The following NBAS variants were observed in gnomAD, a reference collection of about 807,000 sequenced individuals.
NBAS encodes the protein NAG/BC035112 fusion.
A neutral mutation model predicts 302.5 loss-of-function variants in NBAS; 219 were observed. That is an observed-to-expected ratio of 0.72 (90% CI 0.65 to 0.81). NBAS has a LOEUF of 0.81. Among genes scored for constraint, NBAS ranks in the 30% least tolerant of loss-of-function variants. NBAS has a pLI of 0.00. For synonymous variants in NBAS, 1,118 were observed against 1,021.6 expected, an observed-to-expected ratio of 1.09 and a Z score of -1.80; for missense variants, 2,932 against 2,841.6, an observed-to-expected ratio of 1.03 and a Z score of -0.72.
intron 32 of NBAS, 70 bp from the exon 33 acceptor site, chr2:15,356,486 C>T: frequency 1.9e-6 from 2 of 1,035,950 alleles, no homozygotes; most frequent in East Asian, 2.4e-5. Flanking sequence ...CTTGTTAACA[C>T]TGTCTTTCAA....
Position 15,398,129 on chromosome 2 carries a change from G to GT in NBAS, c.3072-1655dup, listed in dbSNP as rs1354203706. Among the ~76,000 whole-genome samples, 878 of 91,048 alleles carry GT rather than the reference G, an allele frequency of 9.6e-3. 8 individuals are homozygous for GT. The highest frequency in any genetic ancestry group is 0.028 in the African/African-American group (777 of 27,924). The allele number at this position is 91,048 out of a possible 152,430, so 59.7% of individuals were successfully genotyped here. Reference sequence around the variant, plus strand: ...TGTGTTTGTGTATGTTTTTTTGTTTGTTTGTTTTGTTTTGTTTGGTTTGGT... The same window carrying GT: ...TGTGTTTGTGTATGTTTTTTTGTTTGTTTTGTTTTGTTTTGTTTGGTTTGGT... On this transcript the variant is annotated intron_variant, in intron 26 of 51. Transcript: ENST00000281513.
chr2:15,554,108 C>T lies in NBAS; in HGVS notation c.240G>A (p.Leu80=). 1 of 1,613,852 alleles carries T rather than the reference C, an allele frequency of 6.2e-7. No homozygotes were observed. Among genetic ancestry groups the T allele is most frequent in the Non-Finnish European group, 8.5e-7 (1 of 1,179,900 alleles). The change falls in exon 4 of 52, where the codon CTG becomes CTA. Residue 80 remains leucine, a synonymous_variant. Transcript: ENST00000281513. ...TTATCTGTTTATTAACCAAGCGAAC[C>T]AGTCCATCAGGGAGCAAAAAAGGTG... ...SPAPFLLPDG[L]VRLVNKQINW...
chr2:14,842,059 G>A, the NBAS span, among the ~76,000 whole-genome samples: 1 of 150,234 alleles, frequency 6.7e-6, no homozygotes, highest in South Asian at 2.1e-4. Flanking sequence ...AGTAACACAA[G>A]GAAATTAAAC....
At chr2:15,365,957 T>G (rs1312974796) in intron 32 of NBAS, among the ~76,000 whole-genome samples, 3 of 152,154 alleles carry the variant, frequency 2.0e-5, no homozygotes, top group Non-Finnish European at 4.4e-5. Context: ...AAAAAGACTT[T>G]CCTTAAAAGC....
At chr2:15,011,930 A>C in the NBAS span, among the ~76,000 whole-genome samples, 36 of 152,190 alleles carry the variant, frequency 2.4e-4, no homozygotes, top group African/African-American at 8.2e-4. Flanking sequence ...TATTTTCCTA[A>C]AAAATCTACT....
At chr2:15,560,880 A>C (rs945339717) in intron 1 of NBAS, among the ~76,000 whole-genome samples, 1 of 152,044 alleles carries the variant, frequency 6.6e-6, no homozygotes, top group Non-Finnish European at 1.5e-5. Context: ...CGACACTAAC[A>C]ATCCCCTCTC....
the NBAS span, among the ~76,000 whole-genome samples, chr2:14,961,056 A>T: frequency 6.6e-6 from 1 of 152,118 alleles, no homozygotes; most frequent in Non-Finnish European, 1.5e-5. Flanking sequence ...TTCTCCCAAC[A>T]GCTGGCCTGG....
chr2:15,402,333 T>A, intron 25 of NBAS, 32 bp from the exon 26 acceptor site: 1 of 1,609,706 alleles, frequency 6.2e-7, no homozygotes, highest in Admixed American at 1.7e-5. Flanking sequence ...GTACTAAATG[T>A]CAACAGATTT....
intron 47 of NBAS, among the ~76,000 whole-genome samples, chr2:15,229,359 A>C (rs1369325076): frequency 4.6e-4 from 67 of 146,604 alleles, no homozygotes; most frequent in African/African-American, 3.7e-4. Context: ...AAAAAAAAAA[A>C]AAAAAAAAAA....
the NBAS span, among the ~76,000 whole-genome samples, chr2:14,923,190 G>T: frequency 2.0e-5 from 3 of 149,998 alleles, no homozygotes; most frequent in Admixed American, 6.6e-5. Flanking sequence ...TTATTCAGTG[G>T]TTCTCCGTTC....
At position 15,292,709 on chromosome 2, in the gene NBAS, C is replaced by G; in HGVS notation, c.4855G>C (p.Glu1619Gln). Residue 1619 changes from glutamate to glutamine, a missense_variant, in exon 41 of 52, where the codon GAA becomes CAA. Glu to Gln is a conservative substitution (Grantham distance 29). Transcript: ENST00000281513. ...VTRHVTRHEH[E>Q]AWPEDLISLT... ...GAAATAAGGTCTTCAGGCCAGGCTT[C>G]GTGCTCATGTCGAGTCACATGCCTG... 1 of 1,614,176 alleles carries G rather than the reference C, an allele frequency of 6.2e-7. No homozygotes were observed. The highest frequency in any genetic ancestry group is 8.5e-7 in the Non-Finnish European group (1 of 1,180,034).
At chr2:14,832,415 G>A in the NBAS span, among the ~76,000 whole-genome samples, 1 of 152,162 alleles carries the variant, frequency 6.6e-6, no homozygotes, top group African/African-American at 2.4e-5. Context: ...GGTAGGGAAG[G>A]ATGACAGACA....
chr2:14,884,741 C>A, the NBAS span, among the ~76,000 whole-genome samples: 1 of 152,124 alleles, frequency 6.6e-6, no homozygotes, highest in Non-Finnish European at 1.5e-5. Flanking sequence ...AACTCAAATA[C>A]TAACAAGTGC....
the NBAS span, among the ~76,000 whole-genome samples, chr2:14,793,225 T>C: frequency 6.6e-6 from 1 of 152,132 alleles, no homozygotes; most frequent in Non-Finnish European, 1.5e-5. Flanking sequence ...GAAAATAAAT[T>C]TTTGTAGTTT....
intron 51 of NBAS, chr2:15,178,042 C>T: frequency 2.6e-6 from 1 of 380,330 alleles, no homozygotes; most frequent in East Asian, 7.5e-5. Context: ...TATCCTTTGT[C>T]ATTAAGAAAA....
At chr2:15,058,598 T>A in the NBAS span, among the ~76,000 whole-genome samples, 5 of 152,154 alleles carry the variant, frequency 3.3e-5, no homozygotes, top group African/African-American at 1.2e-4. Context: ...CATTTAACAC[T>A]CACCCAGCTT....
intron 33 of NBAS, 121 bp downstream of exon 33, chr2:15,356,182 T>C: frequency 2.6e-6 from 2 of 782,300 alleles, no homozygotes; most frequent in South Asian, 2.8e-5. Flanking sequence ...TCATAAAATG[T>C]ATCTCAAGCC....
chr2:15,092,361 C>A, the NBAS span, among the ~76,000 whole-genome samples: 3 of 152,084 alleles, frequency 2.0e-5, no homozygotes, highest in South Asian at 2.1e-4. Context: ...AAATTATGCA[C>A]CTTTGGCAAA....
chr2:14,980,731 A>C, the NBAS span, among the ~76,000 whole-genome samples: 166 of 152,334 alleles, frequency 1.1e-3, no homozygotes, highest in South Asian at 3.5e-3. Context: ...CCAAATCAAG[A>C]CAGCAGAACT....
Sources: gnomAD v4.1 joint callset for allele counts (sites outside exome capture counted in the v4.1 genomes callset) on GRCh38, gnomAD v4.1.1 for gene constraint, MANE v1.5 for transcripts, NCBI Gene and HGNC (gene_info 2026-07-23, HGNC 2026-07-21) for gene names.